TMEM38B: variants seen among roughly 807,000 people sequenced by gnomAD.
TMEM38B encodes the protein transmembrane protein 38B.
In TMEM38B, 24 loss-of-function variants were observed where a neutral mutation model predicts 28.7. The ratio of observed to expected loss-of-function variants is 0.84; its 90% confidence interval spans 0.61 to 1.18. TMEM38B has a LOEUF of 1.18. Ranked by LOEUF, TMEM38B falls within the 50% of genes most tolerant of loss-of-function variation. The pLI is 0.00. For synonymous variants in TMEM38B, 131 were observed against 127.7 expected (o/e 1.03, Z -0.17); for missense variants, 380 against 350.9 (o/e 1.08, Z -0.66).
chr9:105,694,956 A>G (rs1175901616), intron 1 of TMEM38B, among the ~76,000 whole-genome samples, 184 bp downstream of exon 1: 5 of 152,172 alleles, frequency 3.3e-5, no homozygotes, highest in Non-Finnish European at 1.5e-5. Flanking sequence ...AGATGGGGAA[A>G]CAGCGTGGGG....
Position 105,775,846 on chromosome 9 carries a change from AT to A in TMEM38B, c.*1771del, listed in dbSNP as rs957521323. On this transcript the variant is annotated 3_prime_UTR_variant, in exon 6 of 6. Transcript: ENST00000374692. ...GTATTACATTATTTTTATGTTTTAT[AT>A]TTTTCTTGAGGTAGAGTTTCAGAAC... is the stretch of plus-strand genomic sequence containing the variant. 3.3e-5 allele frequency: 5 copies of A among 152,038 alleles called. No homozygotes were observed. The highest frequency in any genetic ancestry group is 3.3e-4 in the Admixed American group (5 of 15,232). The allele number at this position is 152,038 out of a possible 1,614,324, so 9.4% of individuals were successfully genotyped here.
chr9:105,705,518 G>T, intron 1 of TMEM38B, 79 bp from the exon 2 acceptor site: 1 of 1,340,348 alleles, frequency 7.5e-7, no homozygotes, highest in Non-Finnish European at 1.0e-6. Flanking sequence ...AAGTTTATTT[G>T]TTTAGTGCAA....
intron 4 of TMEM38B, among the ~76,000 whole-genome samples, chr9:105,747,334 T>A (rs1837447862): frequency 6.6e-6 from 1 of 152,248 alleles, no homozygotes; most frequent in Non-Finnish European, 1.5e-5. Flanking sequence ...AATTTATCCA[T>A]TTCTTCTAGA....
intron 5 of TMEM38B, chr9:105,749,156 C>A: frequency 7.9e-7 from 1 of 1,264,258 alleles, no homozygotes; most frequent in Non-Finnish European, 1.0e-6. Flanking sequence ...TAGTCTCTTC[C>A]AGTCCTCAAA....
At chr9:105,701,628 T>C (rs1456718063) in intron 1 of TMEM38B, 1 of 152,244 alleles carries the variant, frequency 6.6e-6, no homozygotes, top group Non-Finnish European at 1.5e-5. Context: ...ATCTGTCTTA[T>C]ATTTAGATCA....
intron 5 of TMEM38B, among the ~76,000 whole-genome samples, chr9:105,761,947 C>T (rs543392251): frequency 6.6e-6 from 1 of 152,144 alleles, no homozygotes; most frequent in East Asian, 1.9e-4. Flanking sequence ...AGTATAAATG[C>T]CTCTCATCTT....
chr9:105,705,447 T>A (rs1310040610), intron 1 of TMEM38B, 150 bp from the exon 2 acceptor site: 2 of 797,060 alleles, frequency 2.5e-6, no homozygotes, highest in Non-Finnish European at 3.7e-6. Context: ...AAAGGTATGA[T>A]TTTTAATGAT....
intron 4 of TMEM38B, among the ~76,000 whole-genome samples, chr9:105,729,944 C>T (rs1198320793): frequency 6.6e-6 from 1 of 152,144 alleles, no homozygotes. Context: ...TGAAAATTTG[C>T]TGAAGTTGCT....
rs182112206 is a variant in TMEM38B, at chr9:105,774,629, A to G, written c.*549A>G. 2 of 151,974 alleles carry G rather than the reference A, an allele frequency of 1.3e-5. No homozygotes were observed. Among genetic ancestry groups the G allele is most frequent in the Admixed American group, 1.3e-4 (2 of 15,264 alleles). The allele number at this position is 151,974 out of a possible 1,614,324, so 9.4% of individuals were successfully genotyped here. On this transcript the variant is annotated 3_prime_UTR_variant, in exon 6 of 6. Coordinates refer to ENST00000374692, the MANE Select transcript of TMEM38B (RefSeq NM_018112.3). ...TTTATATTTTAGATATAAACATCAT[A>G]TTTTTTATTAATACCTACATCAAAT...
At chr9:105,707,935 C>A (rs1835739671) in intron 2 of TMEM38B, among the ~76,000 whole-genome samples, 1 of 152,134 alleles carries the variant, frequency 6.6e-6, no homozygotes, top group Non-Finnish European at 1.5e-5. Context: ...AAGTTATTAG[C>A]ATTTTGGAAG....
chr9:105,755,562 A>G (rs931160049), intron 5 of TMEM38B, among the ~76,000 whole-genome samples: 28 of 152,220 alleles, frequency 1.8e-4, no homozygotes, highest in African/African-American at 6.8e-4. Flanking sequence ...CCATTGCCAT[A>G]TGAACTTTAG....
At chr9:105,742,950 G>T (rs935319744) in intron 4 of TMEM38B, among the ~76,000 whole-genome samples, 1 of 151,944 alleles carries the variant, frequency 6.6e-6, no homozygotes, top group African/African-American at 2.4e-5. Context: ...TAACCAATAG[G>T]AATGTACAAT....
chr9:105,735,043 TC>T (rs1254725053), intron 4 of TMEM38B, among the ~76,000 whole-genome samples: 1 of 152,124 alleles, frequency 6.6e-6, no homozygotes, highest in African/African-American at 2.4e-5. Context: ...ATTTCATTTT[TC>T]TCTCTAATTT....
intron 3 of TMEM38B, among the ~76,000 whole-genome samples, chr9:105,721,983 T>C (rs534729585): frequency 1.3e-5 from 2 of 152,328 alleles, no homozygotes; most frequent in Non-Finnish European, 2.9e-5. Context: ...CAGAAAGATT[T>C]ATAGTTAATT....
At chr9:105,730,346 T>C (rs560714503) in intron 4 of TMEM38B, among the ~76,000 whole-genome samples, 9 of 152,320 alleles carry the variant, frequency 5.9e-5, no homozygotes, top group Non-Finnish European at 1.2e-4. Flanking sequence ...CATGTGGTTT[T>C]TTCGTTGGTC....
In TMEM38B at chr9:105,742,947, T is replaced by C. The variant is rs148954626; in HGVS notation, c.543-5126T>C. On this transcript the variant is annotated intron_variant, in intron 4 of 5. Transcript: ENST00000374692. The stretch of plus-strand genomic sequence containing the variant: ...GTTGTAAAACTTTTTTTTTAACCAA[T>C]AGGAATGTACAATCAAAAAGGTTTA... Among the ~76,000 whole-genome samples, 1,430 of 152,180 alleles carry C rather than the reference T, an allele frequency of 9.4e-3. 14 individuals are homozygous for C. The highest frequency in any genetic ancestry group is 0.032 in the African/African-American group (1,330 of 41,504).
At chr9:105,759,338 A>G in intron 5 of TMEM38B, 2 of 1,058,506 alleles carry the variant, frequency 1.9e-6, no homozygotes, top group Non-Finnish European at 2.9e-6. Context: ...ATTCCTTCAA[A>G]TCAATGGAGT....
intron 4 of TMEM38B, among the ~76,000 whole-genome samples, chr9:105,745,599 C>T (rs1308897536): frequency 1.3e-5 from 2 of 152,004 alleles, no homozygotes; most frequent in East Asian, 3.9e-4. Context: ...TAATTAGATC[C>T]CATTTGTCAA....
chr9:105,722,478 A>G (rs1836353608), intron 3 of TMEM38B, 56 bp from the exon 4 acceptor site: 1 of 1,342,208 alleles, frequency 7.5e-7, no homozygotes, highest in Non-Finnish European at 1.1e-6. Context: ...CTCCCTTTAA[A>G]TATGTTTTAC....
Sources: allele counts gnomAD v4.1 joint callset (sites outside exome capture counted in the v4.1 genomes callset), GRCh38; gene constraint gnomAD v4.1.1; transcripts MANE v1.5; gene names NCBI Gene and HGNC (gene_info 2026-07-23, HGNC 2026-07-21).